The following MAP4K4 variants were observed in gnomAD, a reference collection of about 807,000 sequenced individuals.
MAP4K4 encodes the protein mitogen-activated protein kinase kinase kinase kinase 4, also known as HPK/GCK-like kinase HGK.
In MAP4K4, 38 loss-of-function variants were observed where a neutral mutation model predicts 189.6. The ratio of observed to expected loss-of-function variants is 0.20; its 90% CI spans 0.15 to 0.26. The LOEUF is 0.26. Among genes scored for constraint, MAP4K4 ranks in the 10% least tolerant of loss-of-function variants. The pLI, the probability that MAP4K4 is intolerant of heterozygous loss-of-function variation, is 1.00. For missense variants in MAP4K4, 1,054 were observed against 1,726.9 expected (o/e 0.61, Z 6.91); for synonymous variants, 610 against 624.3 (o/e 0.98, Z 0.34).
At chr2:101,848,290 C>T (rs2097173114) in intron 12 of MAP4K4, among the ~76,000 whole-genome samples, 1 of 152,164 alleles carries the variant, frequency 6.6e-6, no homozygotes, top group Admixed American at 6.5e-5. Flanking sequence ...AAAGTCTGTA[C>T]AGATGCAGTG....
At chr2:101,803,257 GTGTGTGTATGTA>G (rs1485029102) in intron 3 of MAP4K4, among the ~76,000 whole-genome samples, 5 of 151,638 alleles carry the variant, frequency 3.3e-5, no homozygotes, top group Non-Finnish European at 5.9e-5. Flanking sequence ...GTGTGTGTGT[GTGTGTGTATGTA>G]TGTGTGTGTG....
At chr2:101,861,306 G>A in intron 16 of MAP4K4, 1 of 210,498 alleles carries the variant, frequency 4.8e-6, no homozygotes, top group Non-Finnish European at 9.5e-6. Flanking sequence ...TAGAGAACTG[G>A]GATTATAAAT....
Position 101,724,340 on chromosome 2 carries a change from T to C in MAP4K4, c.123+25802T>C, listed in dbSNP as rs73943743. On this transcript the variant is annotated intron_variant, in intron 2 of 32. Coordinates refer to ENST00000324219, the Ensembl canonical transcript of MAP4K4. ...GGAATTTCCCTCAGTAGTAGTACAC[T>C]GGCAGGATTAGTTATCTTGAGCCAG... is the stretch of plus-strand genomic sequence containing the variant. Among the ~76,000 whole-genome samples, 1,396 of 152,298 alleles carry C rather than the reference T, an allele frequency of 9.2e-3. 19 individuals are homozygous for C. Among genetic ancestry groups the C allele is most frequent in the African/African-American group, 0.032 (1,334 of 41,560 alleles).
At chr2:101,773,527 C>A (rs142059717) in intron 2 of MAP4K4, among the ~76,000 whole-genome samples, 3 of 152,162 alleles carry the variant, frequency 2.0e-5, no homozygotes, top group Non-Finnish European at 4.4e-5. Context: ...GCATGCAATG[C>A]GTAATAGTCA....
intron 3 of MAP4K4, among the ~76,000 whole-genome samples, chr2:101,797,768 A>G (rs1164130609): frequency 1.3e-5 from 2 of 152,058 alleles, no homozygotes; most frequent in Non-Finnish European, 2.9e-5. Flanking sequence ...TTATTTTAAC[A>G]AGTATAGTGA....
rs868815909 is a variant in MAP4K4 at position 101,803,245 on chromosome 2, A to G, written c.180+12469A>G. On this transcript the variant is annotated intron_variant, in intron 3 of 32. Coordinates refer to ENST00000324219, the Ensembl canonical transcript of MAP4K4. ...ATATGCTTGGTTGATGATGATGATG[A>G]TGTGTGTGTGTGTGTGTGTATGTAT... Among the ~76,000 whole-genome samples, 212 of 150,350 alleles carry G rather than the reference A, an allele frequency of 1.4e-3. 2 individuals carry two copies. Among genetic ancestry groups the G allele is most frequent in the African/African-American group, 4.6e-3 (188 of 40,630 alleles).
chr2:101,828,028 G>A (rs1045014364), intron 5 of MAP4K4, among the ~76,000 whole-genome samples: 1 of 152,164 alleles, frequency 6.6e-6, no homozygotes, highest in South Asian at 2.1e-4. Context: ...GAAGAAAAAT[G>A]TACTTATTTT....
chr2:101,857,929 G>C (rs2097527726), intron 13 of MAP4K4, among the ~76,000 whole-genome samples: 1 of 152,188 alleles, frequency 6.6e-6, no homozygotes, highest in African/African-American at 2.4e-5. Flanking sequence ...AAGGGAATCT[G>C]AATTTCAGGA....
chr2:101,741,944 T>C (rs1038452786), intron 2 of MAP4K4, among the ~76,000 whole-genome samples: 6 of 152,254 alleles, frequency 3.9e-5, no homozygotes, highest in African/African-American at 1.4e-4. Flanking sequence ...AATGCCACGC[T>C]GCTGTGCTAG....
rs775194379 is a variant in MAP4K4, at chr2:101,866,575, G to A, written c.2352G>A (p.Val784=). 4 of 1,612,652 alleles carry A rather than the reference G, an allele frequency of 2.5e-6. No individual in the cohort carries two copies. In the African/African-American group the frequency reaches 4.0e-5, roughly 16 times the overall value. The change falls in exon 19 of 33, where the codon GTG becomes GTA. Residue 784 remains valine, a synonymous_variant. Coordinates refer to ENST00000324219, the Ensembl canonical transcript of MAP4K4. ...GTGGCTCCGGGGAACGCTTCAGAGT[G>A]AGATGTAAGCTGCCTTTCCTTTCCT...
At chr2:101,874,154 A>G (rs2098132299) in exon 26 of MAP4K4, 1 of 1,613,972 alleles carries the variant, frequency 6.2e-7, no homozygotes, top group Non-Finnish European at 8.5e-7. Context: ...TCAGTGGTCA[A>G]TGTGAATCCT....
At chr2:101,873,730 T>A in exon 25 of MAP4K4, 1 of 1,612,194 alleles carries the variant, frequency 6.2e-7, no homozygotes, top group Non-Finnish European at 8.5e-7. Context: ...TACTACAGAT[T>A]TCTCCATCTA....
At chr2:101,831,292 T>C (rs572721675) in intron 6 of MAP4K4, among the ~76,000 whole-genome samples, 25 of 152,168 alleles carry the variant, frequency 1.6e-4, no homozygotes, top group Non-Finnish European at 3.4e-4. Flanking sequence ...AAGAAAACTT[T>C]CGTGAAATTC....
At chr2:101,850,911 G>C (rs2097262970) in intron 12 of MAP4K4, among the ~76,000 whole-genome samples, 1 of 151,854 alleles carries the variant, frequency 6.6e-6, no homozygotes, top group Non-Finnish European at 1.5e-5. Context: ...AAAAACTCAG[G>C]GGTTGATGGT....
chr2:101,784,709 T>C (rs2089751633), intron 2 of MAP4K4, among the ~76,000 whole-genome samples: 1 of 152,170 alleles, frequency 6.6e-6, no homozygotes, highest in East Asian at 1.9e-4. Context: ...AATAAGTTTT[T>C]ATTATTGGTT....
chr2:101,723,948 T>C (rs2053721637), intron 2 of MAP4K4, among the ~76,000 whole-genome samples: 1 of 152,178 alleles, frequency 6.6e-6, no homozygotes. Flanking sequence ...TCACTCACAA[T>C]TAGGAAGGTC....
intron 2 of MAP4K4, among the ~76,000 whole-genome samples, chr2:101,735,845 T>G (rs1355241139): frequency 1.3e-5 from 2 of 152,088 alleles, no homozygotes; most frequent in Non-Finnish European, 1.5e-5. Flanking sequence ...GGCTGACAGG[T>G]CAAATTGTGA....
intron 2 of MAP4K4, among the ~76,000 whole-genome samples, chr2:101,753,194 A>G (rs901624093): frequency 2.0e-5 from 3 of 152,186 alleles, no homozygotes; most frequent in East Asian, 1.9e-4. Flanking sequence ...TGCCTGATGT[A>G]TAGGTACAGA....
intron 2 of MAP4K4, among the ~76,000 whole-genome samples, chr2:101,751,224 T>C (rs1281956342): frequency 1.3e-5 from 2 of 152,232 alleles, no homozygotes; most frequent in African/African-American, 4.8e-5. Flanking sequence ...AAGCATGAAG[T>C]TAACTAAAAG....
Sources: allele counts gnomAD v4.1 joint callset (sites outside exome capture counted in the v4.1 genomes callset), GRCh38; gene constraint gnomAD v4.1.1; transcripts MANE v1.5; gene names NCBI Gene and HGNC (gene_info 2026-07-23, HGNC 2026-07-21).